The following THSD7B variants were observed in gnomAD, a reference collection of about 807,000 sequenced individuals.
THSD7B encodes thrombospondin type 1 domain containing 7B, also known as thrombospondin type-1 domain-containing protein 7B.
In THSD7B, 138 loss-of-function variants were observed where a neutral mutation model predicts 213.6. The observed-to-expected ratio is 0.65, with a 90% CI of 0.56 to 0.74. THSD7B has a LOEUF of 0.74. Among genes scored for constraint, THSD7B ranks in the 30% least tolerant of loss-of-function variants. The probability of loss-of-function intolerance (pLI) is 0.00; values close to 1 mark genes in which losing one functional copy is unlikely to be tolerated. For synonymous variants in THSD7B, 742 were observed against 687.0 expected, an observed-to-expected ratio of 1.08 and a Z score of -1.25; for missense variants, 1,931 against 1,991.5, an observed-to-expected ratio of 0.97 and a Z score of 0.58.
At chr2:136,861,378 C>A (rs958120892) in intron 1 of THSD7B, among the ~76,000 whole-genome samples, 2 of 152,200 alleles carry the variant, frequency 1.3e-5, no homozygotes, top group East Asian at 3.9e-4. Flanking sequence ...GAACACCTAC[C>A]ATGTGTGAGA....
intron 27 of THSD7B, among the ~76,000 whole-genome samples, chr2:137,675,391 C>A (rs1683674643): frequency 7.5e-6 from 1 of 133,144 alleles, no homozygotes; most frequent in African/African-American, 2.9e-5. Context: ...CTACCAAGTG[C>A]TAAATGAATG....
intron 7 of THSD7B, among the ~76,000 whole-genome samples, chr2:137,184,369 G>C (rs1052051451): frequency 6.6e-5 from 10 of 152,008 alleles, no homozygotes; most frequent in Non-Finnish European, 2.9e-5. Context: ...GAATTTTTGA[G>C]GGTACACATT....
At chr2:137,329,147 C>A (rs1297223525) in intron 12 of THSD7B, among the ~76,000 whole-genome samples, 1 of 152,260 alleles carries the variant, frequency 6.6e-6, no homozygotes, top group Admixed American at 6.5e-5. Flanking sequence ...TTAAAATTTC[C>A]TAGAGACTTG....
At chr2:137,354,765 C>A (rs1043339154) in intron 12 of THSD7B, among the ~76,000 whole-genome samples, 2 of 151,506 alleles carry the variant, frequency 1.3e-5, no homozygotes, top group African/African-American at 2.4e-5. Context: ...CGAAAAACAG[C>A]CCATAAACTC....
chr2:137,448,004 T>G (rs1687574463), intron 14 of THSD7B, among the ~76,000 whole-genome samples: 1 of 152,206 alleles, frequency 6.6e-6, no homozygotes, highest in Non-Finnish European at 1.5e-5. Flanking sequence ...CATCCATTTC[T>G]TGCTATTTTT....
chr2:136,774,154 G>A (rs981036443), intron 1 of THSD7B, among the ~76,000 whole-genome samples: 1 of 152,010 alleles, frequency 6.6e-6, no homozygotes, highest in Non-Finnish European at 1.5e-5. Flanking sequence ...TTGTTAGTGT[G>A]TATGTGTAGC....
chr2:136,916,014 G>T (rs1158120525), intron 2 of THSD7B, among the ~76,000 whole-genome samples: 2 of 152,170 alleles, frequency 1.3e-5, no homozygotes, highest in Non-Finnish European at 1.5e-5. Context: ...AGGAGATAAA[G>T]AACTATACCA....
Position 137,303,717 on chromosome 2 carries a change from TA to T in THSD7B, c.2500+27692del, listed in dbSNP as rs1474913155. On this transcript the variant is annotated intron_variant, in intron 12 of 27. Transcript: ENST00000409968. The stretch of plus-strand genomic sequence containing the variant: ...ATTTATATATATTTATATATATATT[TA>T]TATATATATTTATATATATATTTAT... 5.3e-3 allele frequency among the ~76,000 whole-genome samples: 684 copies of T among 129,982 alleles called. 46 individuals carry two copies. The highest frequency in any genetic ancestry group is 0.02 in the African/African-American group (593 of 30,254). The allele number at this position is 129,982 out of a possible 152,430, so 85.3% of individuals were successfully genotyped here.
At chr2:137,613,334 A>G (rs1682321908) in intron 17 of THSD7B, among the ~76,000 whole-genome samples, 1 of 152,170 alleles carries the variant, frequency 6.6e-6, no homozygotes, top group South Asian at 2.1e-4. Flanking sequence ...ACTCTTTGAC[A>G]AGACTCCTTC....
Position 137,462,515 on chromosome 2 carries a change from G to T in THSD7B, c.3138+11492G>T, listed in dbSNP as rs563886434. ...TTTCTATAAGCCAATACGAATTCAT[G>T]ACGAACAACTTTTGTAATTGCTCCC... On this transcript the variant is annotated intron_variant, in intron 15 of 27. Transcript: ENST00000409968. Among the ~76,000 whole-genome samples, 6 of 151,948 alleles carry T rather than the reference G, an allele frequency of 3.9e-5. No homozygotes were observed. In the South Asian group the frequency reaches 1.2e-3, roughly 32 times the overall value.
intron 1 of THSD7B, among the ~76,000 whole-genome samples, chr2:136,797,257 C>T (rs1447117928): frequency 1.3e-5 from 2 of 151,836 alleles, no homozygotes; most frequent in African/African-American, 2.4e-5. Context: ...AACCATCATC[C>T]CCTTCTTCCC....
At chr2:137,602,892 CAT>C (rs919339591) in intron 17 of THSD7B, among the ~76,000 whole-genome samples, 40 of 152,304 alleles carry the variant, frequency 2.6e-4, no homozygotes, top group African/African-American at 9.6e-4. Context: ...CTCTGTGCCA[CAT>C]GTCTGTATCT....
chr2:137,475,463 C>A (rs914830890), intron 15 of THSD7B, among the ~76,000 whole-genome samples: 1 of 152,190 alleles, frequency 6.6e-6, no homozygotes, highest in East Asian at 1.9e-4. Flanking sequence ...ATCCACTAAC[C>A]AACCTCTCTT....
intron 1 of THSD7B, among the ~76,000 whole-genome samples, chr2:136,869,314 A>T (rs1176861908): frequency 6.6e-6 from 1 of 152,236 alleles, no homozygotes; most frequent in Non-Finnish European, 1.5e-5. Flanking sequence ...ACATTCCTAA[A>T]GTTATAAAAT....
rs373524141 is a variant in THSD7B, at chr2:137,021,082, G to A, written c.140-35338G>A. ...CTTGTGGAACTGCAGAGTTTTTCGA[G>A]TAGAAATGTGTATTTCTATGTAGGA... On this transcript the variant is annotated intron_variant, in intron 2 of 27. Coordinates refer to ENST00000409968, the MANE Select transcript of THSD7B (RefSeq NM_001316349.2). Among the ~76,000 whole-genome samples, 15 of 152,258 alleles carry A rather than the reference G, an allele frequency of 9.9e-5. 1 individual carries two copies. The South Asian group carries it at 2.7e-3, about 27-fold the overall frequency.
At chr2:137,565,051 T>A (rs887489056) in intron 16 of THSD7B, among the ~76,000 whole-genome samples, 6 of 151,768 alleles carry the variant, frequency 4.0e-5, no homozygotes, top group Non-Finnish European at 8.8e-5. Context: ...CACAGACACA[T>A]AAAGGAAAGA....
intron 11 of THSD7B, among the ~76,000 whole-genome samples, chr2:137,274,054 C>G (rs1682813591): frequency 6.6e-6 from 1 of 152,058 alleles, no homozygotes; most frequent in Non-Finnish European, 1.5e-5. Context: ...GAGCTAGTTT[C>G]TATCAATGAC....
intron 3 of THSD7B, among the ~76,000 whole-genome samples, chr2:137,078,257 C>A (rs374100463): frequency 6.6e-6 from 1 of 152,110 alleles, no homozygotes; most frequent in South Asian, 2.1e-4. Flanking sequence ...AGTCAGATAG[C>A]GTGATGCCTC....
At chr2:137,190,258 A>G (rs1334117585) in intron 7 of THSD7B, among the ~76,000 whole-genome samples, 1 of 152,174 alleles carries the variant, frequency 6.6e-6, no homozygotes, top group African/African-American at 2.4e-5. Flanking sequence ...GAGACAATGT[A>G]TATGCCATGT....
Sources: gnomAD v4.1 joint callset for allele counts (sites outside exome capture counted in the v4.1 genomes callset) on GRCh38, gnomAD v4.1.1 for gene constraint, MANE v1.5 for transcripts, NCBI Gene and HGNC (gene_info 2026-07-23, HGNC 2026-07-21) for gene names.